The following DENND1A variants were observed in gnomAD, a reference collection of about 807,000 sequenced individuals.
DENND1A encodes DENN domain containing 1A.
A neutral mutation model predicts 113.7 loss-of-function variants in DENND1A; 51 were observed. The ratio of observed to expected loss-of-function variants is 0.45; its 90% CI spans 0.36 to 0.57. DENND1A has a LOEUF of 0.57. DENND1A is among the 20% of genes least tolerant of loss of function. The pLI, the probability that DENND1A is intolerant of heterozygous loss-of-function variation, is 0.00. For missense variants in DENND1A, 1,258 were observed against 1,395.9 expected, an observed-to-expected ratio of 0.90 and a Z score of 1.57; for synonymous variants, 565 against 570.8, an observed-to-expected ratio of 0.99 and a Z score of 0.14.
At chr9:123,737,356 T>C (rs1159550318) in intron 5 of DENND1A, among the ~76,000 whole-genome samples, 1 of 152,094 alleles carries the variant, frequency 6.6e-6, no homozygotes, top group Non-Finnish European at 1.5e-5. Flanking sequence ...CTACCATGCC[T>C]GGCTAATTTT....
intron 12 of DENND1A, among the ~76,000 whole-genome samples, chr9:123,567,228 G>A (rs1020203399): frequency 2.6e-5 from 4 of 152,128 alleles, no homozygotes; most frequent in Non-Finnish European, 4.4e-5. Context: ...GTGCAGTGCC[G>A]CGTAATGAAA....
In DENND1A at chr9:123,478,498, T is replaced by C. The variant is rs143796201; in HGVS notation, c.994-20601A>G. Among the ~76,000 whole-genome samples the C allele has an allele frequency of 2.6e-3, 394 of 152,338 alleles. 15 individuals carry two copies. In the East Asian group the frequency reaches 0.066, roughly 25 times the overall value. ...ATTGCCATGAGTTTCCCTCCCTCCT[T>C]TCCAATAACCAAAATAGCAGTGAAC... On this transcript the variant is annotated intron_variant, in intron 13 of 23. Transcript: ENST00000394215.
At chr9:123,887,523 G>A (rs1056671809) in intron 1 of DENND1A, among the ~76,000 whole-genome samples, 8 of 151,910 alleles carry the variant, frequency 5.3e-5, no homozygotes, top group African/African-American at 1.9e-4. Context: ...CCATGTGAGG[G>A]CATCCCAACA....
intron 5 of DENND1A, among the ~76,000 whole-genome samples, chr9:123,742,770 G>T (rs549193180): frequency 1.3e-5 from 2 of 152,264 alleles, no homozygotes; most frequent in East Asian, 3.9e-4. Context: ...TCATTTTACA[G>T]AAATAAGATA....
chr9:123,538,800 C>A (rs2056015693), intron 13 of DENND1A, among the ~76,000 whole-genome samples: 1 of 72,076 alleles, frequency 1.4e-5, no homozygotes, highest in Non-Finnish European at 2.7e-5. Flanking sequence ...CCAAAGGTGA[C>A]AACTCATACA....
chr9:123,544,358 C>G (rs75940099), intron 13 of DENND1A, among the ~76,000 whole-genome samples: 1 of 152,100 alleles, frequency 6.6e-6, no homozygotes, highest in African/African-American at 2.4e-5. Flanking sequence ...TGACATTACC[C>G]CTTGCAAAAT....
At chr9:123,525,566 C>T (rs1284683241) in intron 13 of DENND1A, among the ~76,000 whole-genome samples, 4 of 152,172 alleles carry the variant, frequency 2.6e-5, no homozygotes, top group Admixed American at 6.5e-5. Context: ...CAATAACTCA[C>T]TGAACAATAC....
chr9:123,926,673 G>C (rs993005586), intron 1 of DENND1A, among the ~76,000 whole-genome samples: 4 of 144,612 alleles, frequency 2.8e-5, no homozygotes, highest in Non-Finnish European at 6.0e-5. Context: ...CTTCCTCAAG[G>C]GTTTTTTTTT....
chr9:123,802,128 C>T (rs1340248764), intron 2 of DENND1A, among the ~76,000 whole-genome samples: 3 of 152,182 alleles, frequency 2.0e-5, no homozygotes, highest in African/African-American at 7.2e-5. Context: ...TTTTGGCACT[C>T]CTGGTCAGCC....
chr9:123,782,339 C>T, intron 3 of DENND1A, among the ~76,000 whole-genome samples: 1 of 152,162 alleles, frequency 6.6e-6, no homozygotes, highest in East Asian at 1.9e-4. Flanking sequence ...CTGATATACA[C>T]TCAAATATGA....
At chr9:123,754,408 G>A (rs1440180029) in intron 5 of DENND1A, among the ~76,000 whole-genome samples, 1 of 152,144 alleles carries the variant, frequency 6.6e-6, no homozygotes, top group African/African-American at 2.4e-5. Context: ...TTCCACACAA[G>A]CTGGAAAAGA....
In DENND1A at chr9:123,557,667, T is replaced by C; in HGVS notation, c.896A>G (p.Lys299Arg). Residue 299 changes from lysine to arginine, a missense_variant, in exon 13 of 24, where the codon AAG becomes AGG. This residue lies in a region of DENND1A where 1,159 missense variants were observed against 1,231.7 expected (regional missense o/e 0.94). Coordinates refer to ENST00000394215, the MANE Select transcript of DENND1A (RefSeq NM_001352964.2). The part of the protein sequence containing the change: ...VISSLKNRLK[K>R]VSTTTGDGVA... The stretch of plus-strand genomic sequence containing the variant: ...ACCATCCCCAGTGGTTGTGGAGACC[T>C]TTTTCAGCCTGTTCTTCAGGGAAGA... 2 of 1,611,266 alleles carry C rather than the reference T, an allele frequency of 1.2e-6. No homozygotes were observed. Among genetic ancestry groups the C allele is most frequent in the East Asian group, 2.2e-5 (1 of 44,726 alleles).
intron 11 of DENND1A, among the ~76,000 whole-genome samples, chr9:123,604,363 A>G (rs964167999): frequency 6.6e-6 from 1 of 152,156 alleles, no homozygotes; most frequent in Non-Finnish European, 1.5e-5. Flanking sequence ...CAGCATCCCA[A>G]ATTCACTACA....
chr9:123,770,275 T>TA (rs922318681), intron 3 of DENND1A, among the ~76,000 whole-genome samples: 6 of 152,252 alleles, frequency 3.9e-5, no homozygotes, highest in Admixed American at 1.3e-4. Context: ...AATGTCTTTC[T>TA]AAAAAAATAC....
intron 5 of DENND1A, among the ~76,000 whole-genome samples, chr9:123,703,208 C>G (rs546683769): frequency 6.6e-6 from 1 of 152,050 alleles, no homozygotes; most frequent in Non-Finnish European, 1.5e-5. Context: ...AGGTTGGTCT[C>G]GAACTCCTGG....
intron 1 of DENND1A, among the ~76,000 whole-genome samples, chr9:123,911,907 T>G (rs142491057): frequency 0.038 from 5,786 of 152,002 alleles, 113 homozygotes; most frequent in Middle Eastern, 0.048. Flanking sequence ...TGTTAGCCAG[T>G]ATGGTCTCAA....
At chr9:123,437,178 A>G (rs1327742033) in intron 19 of DENND1A, among the ~76,000 whole-genome samples, 1 of 152,106 alleles carries the variant, frequency 6.6e-6, no homozygotes, top group Non-Finnish European at 1.5e-5. Flanking sequence ...ATGCCCCACA[A>G]TGGTAGGGAC....
At chr9:123,729,106 G>T (rs533390062) in intron 5 of DENND1A, among the ~76,000 whole-genome samples, 6 of 152,212 alleles carry the variant, frequency 3.9e-5, no homozygotes, top group African/African-American at 1.4e-4. Context: ...GATATTGATG[G>T]AATGTATCTC....
intron 2 of DENND1A, among the ~76,000 whole-genome samples, chr9:123,844,718 A>G (rs976415778): frequency 1.6e-4 from 24 of 152,184 alleles, no homozygotes; most frequent in Non-Finnish European, 5.9e-5. Flanking sequence ...TGATAAGCTA[A>G]TACTAAAATT....
Sources: allele counts gnomAD v4.1 joint callset (sites outside exome capture counted in the v4.1 genomes callset), GRCh38; gene constraint gnomAD v4.1.1; regional missense constraint gnomAD v4.1.1; transcripts MANE v1.5; gene names NCBI Gene and HGNC (gene_info 2026-07-23, HGNC 2026-07-21).